Variants in CCDC34 observed in about 807,000 individuals in gnomAD.
The protein encoded by CCDC34 is coiled-coil domain containing 34, also known as coiled-coil domain-containing protein 34.
Under a neutral mutation model 44.1 loss-of-function variants are expected in CCDC34, and 40 were observed. That is an observed-to-expected ratio of 0.91 (90% confidence interval 0.70 to 1.18). The LOEUF is 1.18. Ranked by LOEUF, CCDC34 falls within the 50% of genes most tolerant of loss-of-function variation. The pLI is 0.00. For missense variants in CCDC34, 466 were observed against 452.3 expected, an observed-to-expected ratio of 1.03 and a Z score of -0.28; for synonymous variants, 159 against 158.2, an observed-to-expected ratio of 1.01 and a Z score of -0.04.
intron 4 of CCDC34, among the ~76,000 whole-genome samples, chr11:27,341,097 T>A (rs1252399816): frequency 6.6e-6 from 1 of 152,186 alleles, no homozygotes; most frequent in African/African-American, 2.4e-5. Context: ...TAGTAATTTA[T>A]AAAATGGCAG....
chr11:27,361,467 C>T (rs181567344), intron 1 of CCDC34, among the ~76,000 whole-genome samples: 3 of 152,308 alleles, frequency 2.0e-5, no homozygotes, highest in African/African-American at 7.2e-5. Context: ...TTGAGACCAA[C>T]TCAGTCCTGA....
At chr11:27,352,374 C>G (rs1862514372) in intron 2 of CCDC34, among the ~76,000 whole-genome samples, 1 of 148,602 alleles carries the variant, frequency 6.7e-6, no homozygotes, top group East Asian at 2.0e-4. Context: ...CAAAGTGAGA[C>G]TCCATCTCAA....
intron 2 of CCDC34, among the ~76,000 whole-genome samples, chr11:27,351,226 C>G (rs918483736): frequency 3.3e-5 from 5 of 152,208 alleles, no homozygotes; most frequent in Non-Finnish European, 7.3e-5. Flanking sequence ...TACTAATAGT[C>G]AGATACCTTA....
intron 2 of CCDC34, among the ~76,000 whole-genome samples, chr11:27,355,053 C>T (rs1862555986): frequency 6.6e-6 from 1 of 152,122 alleles, no homozygotes; most frequent in Non-Finnish European, 1.5e-5. Flanking sequence ...TACTAACTTT[C>T]TGAAATTCAA....
chr11:27,357,553 A>T lies in CCDC34; in HGVS notation c.360-12T>A, dbSNP rs1390840756. The T allele has an allele frequency of 4.3e-6, 7 of 1,612,196 alleles. No homozygotes were observed. The highest frequency in any genetic ancestry group is 4.5e-5 in the East Asian group (2 of 44,852). On this transcript the variant is annotated splice_polypyrimidine_tract_variant and intron_variant, in intron 1 of 5. Coordinates refer to ENST00000328697, the MANE Select transcript of CCDC34 (RefSeq NM_030771.2). Reference sequence around the variant, plus strand: ...ATTCAACCTGAGTGCTACAAAAGAGAGGCTACTATAGTACTTGTACAAGAA... The same window carrying T: ...ATTCAACCTGAGTGCTACAAAAGAGTGGCTACTATAGTACTTGTACAAGAA...
At chr11:27,355,538 A>AT (rs1862562731) in intron 2 of CCDC34, among the ~76,000 whole-genome samples, 1 of 152,212 alleles carries the variant, frequency 6.6e-6, no homozygotes, top group Non-Finnish European at 1.5e-5. Context: ...AATGATATAA[A>AT]TAACAATACA....
chr11:27,340,797 T>C lies in CCDC34; in HGVS notation c.806A>G (p.Lys269Arg). The change falls in exon 5 of 6, where the codon AAG becomes AGG. Residue 269 changes from lysine to arginine, a missense_variant. Lys to Arg is a conservative substitution (Grantham distance 26). Transcript: ENST00000328697. ...KQQQAEIQEK[K>R]EIAEKKFQEW... ...TTGAAACTTTTTTTCTGCTATTTCC[T>C]TTTTCTCCTGTATTTCAGCTTGCTG... The C allele has an allele frequency of 6.2e-7, 1 of 1,612,054 alleles. No homozygotes were observed. Among genetic ancestry groups the C allele is most frequent in the South Asian group, 1.1e-5 (1 of 90,742 alleles).
At chr11:27,343,036 A>G (rs1201320856) in intron 3 of CCDC34, among the ~76,000 whole-genome samples, 2 of 152,232 alleles carry the variant, frequency 1.3e-5, no homozygotes, top group African/African-American at 4.8e-5. Flanking sequence ...CAATTCAATG[A>G]AGACTCAACC....
intron 1 of CCDC34, among the ~76,000 whole-genome samples, chr11:27,358,697 G>C (rs1231337344): frequency 6.6e-6 from 1 of 152,072 alleles, no homozygotes; most frequent in African/African-American, 2.4e-5. Flanking sequence ...TGCTGATGAT[G>C]TCTATATCAG....
At chr11:27,357,173 T>C (rs947364020) in intron 2 of CCDC34, among the ~76,000 whole-genome samples, 3 of 152,178 alleles carry the variant, frequency 2.0e-5, no homozygotes, top group Admixed American at 1.3e-4. Flanking sequence ...ACAGTGAAAT[T>C]AGAAGAGATT....
At position 27,342,603 on chromosome 11, in the gene CCDC34, C is replaced by A. The variant is rs1862377686; in HGVS notation, c.607-1053G>T. On this transcript the variant is annotated intron_variant, in intron 3 of 5. Coordinates refer to ENST00000328697, the MANE Select transcript of CCDC34 (RefSeq NM_030771.2). Reference sequence around the variant, plus strand: ...GACAATCACATCTGATCTACCATCACCTGTATTTGTAAATGAAGTTTTATA... The same window carrying A: ...GACAATCACATCTGATCTACCATCAACTGTATTTGTAAATGAAGTTTTATA... 2.0e-5 allele frequency among the ~76,000 whole-genome samples: 3 copies of A among 152,028 alleles called. No homozygotes were observed. The South Asian group carries it at 6.2e-4, about 32-fold the overall frequency.
At chr11:27,341,248 A>T in intron 4 of CCDC34, 144 bp downstream of exon 4, 2 of 518,948 alleles carry the variant, frequency 3.9e-6, no homozygotes. Flanking sequence ...TTTGAAGTTT[A>T]AACACAGCGT....
At chr11:27,350,741 G>C (rs1031829885) in intron 2 of CCDC34, among the ~76,000 whole-genome samples, 5 of 151,866 alleles carry the variant, frequency 3.3e-5, no homozygotes, top group African/African-American at 1.2e-4. Context: ...CATAAATTTT[G>C]GCATCACTCT....
intron 2 of CCDC34, among the ~76,000 whole-genome samples, chr11:27,352,400 G>A (rs1862515140): frequency 1.3e-5 from 2 of 150,702 alleles, no homozygotes. Context: ...AAAAGGAAAA[G>A]GAAAAGGAAA....
chr11:27,352,424 T>C (rs923534894), intron 2 of CCDC34, among the ~76,000 whole-genome samples: 6 of 151,488 alleles, frequency 4.0e-5, no homozygotes, highest in Non-Finnish European at 8.8e-5. Context: ...GGGTTTGGAC[T>C]TAGGAAACAA....
Position 27,353,129 on chromosome 11 carries a change from T to C in CCDC34, c.499-2690A>G, listed in dbSNP as rs74550240. Among the ~76,000 whole-genome samples, 985 of 152,278 alleles carry C rather than the reference T, an allele frequency of 6.5e-3. 13 individuals carry two copies. The highest frequency in any genetic ancestry group is 0.023 in the African/African-American group (941 of 41,550). On this transcript the variant is annotated intron_variant, in intron 2 of 5. Coordinates refer to ENST00000328697, the MANE Select transcript of CCDC34 (RefSeq NM_030771.2). ...ATGGAAAACCAAAATCCAAAGAAGA[T>C]CTTAAACATGCATTTTTATTTTAAT...
chr11:27,341,673 G>A, intron 3 of CCDC34, 123 bp from the exon 4 acceptor site: 1 of 523,842 alleles, frequency 1.9e-6, no homozygotes, highest in South Asian at 3.6e-5. Context: ...TGATATCATG[G>A]CAGTTGGCAC....
intron 5 of CCDC34, among the ~76,000 whole-genome samples, chr11:27,339,440 A>G (rs1255089151): frequency 1.3e-5 from 2 of 152,198 alleles, no homozygotes; most frequent in African/African-American, 4.8e-5. Context: ...ACAGAAAAAC[A>G]TTTATTTTTC....
chr11:27,352,305 C>A (rs1347918319), intron 2 of CCDC34, among the ~76,000 whole-genome samples: 1 of 151,758 alleles, frequency 6.6e-6, no homozygotes, highest in African/African-American at 2.4e-5. Flanking sequence ...CTCGCCTGAA[C>A]CTGGGAGGCA....
Sources: gnomAD v4.1 joint callset for allele counts (sites outside exome capture counted in the v4.1 genomes callset) on GRCh38, gnomAD v4.1.1 for gene constraint, MANE v1.5 for transcripts, NCBI Gene and HGNC (gene_info 2026-07-23, HGNC 2026-07-21) for gene names.